Variants in SNX25 observed in about 807,000 individuals in gnomAD.
SNX25 encodes the protein sorting nexin-25.
SNX25 carries 62 observed loss-of-function variants against 113.7 expected under a neutral mutation model. The ratio of observed to expected loss-of-function variants is 0.55; its 90% confidence interval spans 0.44 to 0.67. The LOEUF is 0.67. Among genes scored for constraint, SNX25 ranks in the 30% least tolerant of loss-of-function variants. SNX25 has a pLI of 0.00. For missense variants in SNX25, 1,014 were observed against 1,161.0 expected (o/e 0.87, Z 1.84); for synonymous variants, 421 against 436.2 (o/e 0.97, Z 0.43).
At chr4:185,373,113 G>C, downstream of SNX25, 1 of 1,546,038 alleles carries the variant, frequency 6.5e-7, no homozygotes, top group Non-Finnish European at 8.9e-7. Context: ...TTGTATTTGT[G>C]ATCCACTAGA....
chr4:185,293,049 G>T (rs774251660), intron 6 of SNX25, among the ~76,000 whole-genome samples: 6 of 152,190 alleles, frequency 3.9e-5, no homozygotes, highest in Non-Finnish European at 8.8e-5. Flanking sequence ...AACATATAAA[G>T]AACTCTTATA....
At chr4:185,235,958 C>G (rs1742561489) in intron 1 of SNX25, among the ~76,000 whole-genome samples, 1 of 152,174 alleles carries the variant, frequency 6.6e-6, no homozygotes, top group African/African-American at 2.4e-5. Context: ...TGTCTATGTT[C>G]AGTACAGATG....
At chr4:185,373,238 T>C (rs577540392), downstream of SNX25, among the ~76,000 whole-genome samples, 1 of 152,314 alleles carries the variant, frequency 6.6e-6, no homozygotes, top group East Asian at 1.9e-4. Flanking sequence ...CTAGCACACA[T>C]GCCTAACACA....
Position 185,351,446 on chromosome 4 carries a change from A to G in SNX25, c.2303A>G (p.Asn768Ser), listed in dbSNP as rs1334334258. The change falls in exon 14 of 19, where the codon AAT becomes AGT. Residue 768 changes from asparagine to serine, a missense_variant and splice_region_variant. By Grantham distance (46) the Asn-to-Ser change is conservative. Transcript: ENST00000652585. ...SKNQLNKFLQ[N>S]LLSDERLCQS... Reference sequence around the variant, plus strand: ...CAGTTAATCCTCTTTCTTCCATAGAATCTGCTTTCAGATGAAAGACTGTGT... The same window carrying G: ...CAGTTAATCCTCTTTCTTCCATAGAGTCTGCTTTCAGATGAAAGACTGTGT... 16 of 1,613,070 alleles carry G rather than the reference A, an allele frequency of 9.9e-6. No homozygotes were observed. Among genetic ancestry groups the G allele is most frequent in the Non-Finnish European group, 1.4e-5 (16 of 1,179,778 alleles).
chr4:185,372,447 A>G (rs1202139937), downstream of SNX25, among the ~76,000 whole-genome samples: 4 of 152,246 alleles, frequency 2.6e-5, no homozygotes, highest in East Asian at 3.8e-4. Context: ...CTCAATAGCT[A>G]TCATTTCTAA....
At chr4:185,367,234 C>T (rs138661740), downstream of SNX25, 4 of 1,611,138 alleles carry the variant, frequency 2.5e-6, no homozygotes, top group Middle Eastern at 1.7e-4. Flanking sequence ...ATGCGGGATT[C>T]AGACGACAAG....
chr4:185,363,585 C>T lies in SNX25; in HGVS notation c.*120C>T. 3.4e-6 allele frequency: 3 copies of T among 881,464 alleles called. No individual in the cohort carries two copies. Among genetic ancestry groups the T allele is most frequent in the Non-Finnish European group, 5.3e-6 (3 of 569,900 alleles). The allele number at this position is 881,464 out of a possible 1,614,324, so 54.6% of individuals were successfully genotyped here. On this transcript the variant is annotated 3_prime_UTR_variant, in exon 19 of 19. Coordinates refer to ENST00000652585, the MANE Select transcript of SNX25 (RefSeq NM_001378034.2). The surrounding 1 kb of genome is among the most constrained non-coding windows in gnomAD (Gnocchi z 4.2). ...TGATTTTTATTTTAGTTACCTCCCT[C>T]TAGTTTTATGTGAAATTAGTAGAAT...
At chr4:185,339,665 C>T (rs764028693) in intron 11 of SNX25, among the ~76,000 whole-genome samples, 155 bp downstream of exon 11, 12 of 152,152 alleles carry the variant, frequency 7.9e-5, no homozygotes, top group African/African-American at 1.9e-4. Context: ...ATTTTCACTC[C>T]GGTTCACTCA....
At chr4:185,222,536 C>T (rs1740154192) in intron 1 of SNX25, among the ~76,000 whole-genome samples, 1 of 152,106 alleles carries the variant, frequency 6.6e-6, no homozygotes, top group Admixed American at 6.5e-5. Flanking sequence ...TATACAGCGC[C>T]CTATATCCCC....
At chr4:185,370,791 T>C (rs1443356505), downstream of SNX25, 1 of 1,614,148 alleles carries the variant, frequency 6.2e-7, no homozygotes, top group East Asian at 2.2e-5. Context: ...GGGGATGTCG[T>C]GAACCTCATC....
intron 6 of SNX25, among the ~76,000 whole-genome samples, chr4:185,288,762 A>G (rs758473814): frequency 2.6e-5 from 4 of 152,138 alleles, no homozygotes; most frequent in Non-Finnish European, 4.4e-5. Context: ...GCCTGATGCT[A>G]GAATATTCCC....
intron 1 of SNX25, 41 bp from the exon 2 acceptor site, chr4:185,247,253 C>A: frequency 7.7e-7 from 1 of 1,298,186 alleles, no homozygotes; most frequent in Non-Finnish European, 1.1e-6. Context: ...GTGATTTATT[C>A]ATTCAGTAAT....
At chr4:185,233,478 A>G (rs1391663608) in intron 1 of SNX25, among the ~76,000 whole-genome samples, 2 of 152,204 alleles carry the variant, frequency 1.3e-5, no homozygotes, top group Non-Finnish European at 2.9e-5. Flanking sequence ...TCAAAATTAC[A>G]ATAGAAGCCA....
intron 1 of SNX25, among the ~76,000 whole-genome samples, chr4:185,215,183 C>T (rs937698599): frequency 2.6e-5 from 4 of 151,906 alleles, no homozygotes; most frequent in East Asian, 1.9e-4. Context: ...GAGCCGAGAT[C>T]GTGCCACTGC....
intron 10 of SNX25, among the ~76,000 whole-genome samples, chr4:185,333,039 C>T (rs1225203415): frequency 2.0e-5 from 3 of 152,178 alleles, no homozygotes; most frequent in African/African-American, 7.2e-5. Context: ...TCTCTTGTGC[C>T]AGGGTCATTT....
rs759992210 is a variant in SNX25 at position 185,346,539 on chromosome 4, C to T, written c.2190C>T (p.Cys730=). 4.6e-5 allele frequency: 72 copies of T among 1,579,790 alleles called. No homozygotes were observed. The highest frequency in any genetic ancestry group is 1.7e-4 in the Middle Eastern group (1 of 6,024). Residue 730 remains cysteine, a splice_region_variant and synonymous_variant, in exon 13 of 19, where the codon TGC becomes TGT. Transcript: ENST00000652585. ...FQNLHRKLSE[C]VPSLKKVQLP... is the part of the protein sequence containing the mutation. ...CATTTCATTTTTTCCCCCCACAGTG[C>T]GTCCCTTCTTTAAAAAAAGTCCAGT...
chr4:185,368,525 C>T (rs1350489136), downstream of SNX25, among the ~76,000 whole-genome samples: 2 of 152,184 alleles, frequency 1.3e-5, no homozygotes, highest in African/African-American at 2.4e-5. Flanking sequence ...ACACCGCTGT[C>T]GGGACACCTT....
chr4:185,304,449 C>G (rs1283611271), intron 6 of SNX25, among the ~76,000 whole-genome samples: 2 of 152,176 alleles, frequency 1.3e-5, no homozygotes, highest in Non-Finnish European at 2.9e-5. Context: ...CCTCCACCTC[C>G]TGGGTTCAAG....
chr4:185,328,166 A>AT lies in SNX25; in HGVS notation c.1749+4376dup, dbSNP rs1318156962. Among the ~76,000 whole-genome samples the AT allele has an allele frequency of 1.1e-4, 17 of 151,082 alleles. No homozygotes were observed. The East Asian group carries it at 1.7e-3, about 16-fold the overall frequency. Reference sequence around the variant, plus strand: ...CAGAAGAAGATCCAGTAGTTATAAGATTTTTTTTTTCTAATTTCCCAATTG... The same window carrying AT: ...CAGAAGAAGATCCAGTAGTTATAAGATTTTTTTTTTTCTAATTTCCCAATTG... On this transcript the variant is annotated intron_variant, in intron 9 of 18. Transcript: ENST00000652585.
Sources: allele counts gnomAD v4.1 joint callset (sites outside exome capture counted in the v4.1 genomes callset), GRCh38; gene constraint gnomAD v4.1.1; non-coding constraint Gnocchi (gnomAD v3.1); transcripts MANE v1.5; gene names NCBI Gene and HGNC (gene_info 2026-07-23, HGNC 2026-07-21).